FAM120A: variants seen among roughly 807,000 people sequenced by gnomAD.
FAM120A encodes family with sequence similarity 120 member A.
FAM120A carries 15 observed loss-of-function variants against 109.7 expected under a neutral mutation model. The ratio of observed to expected loss-of-function variants is 0.14; its 90% CI spans 0.09 to 0.21. FAM120A has a LOEUF of 0.21. Among genes scored for constraint, FAM120A ranks in the 10% least tolerant of loss-of-function variants. FAM120A has a pLI of 1.00. For synonymous variants in FAM120A, 493 were observed against 572.8 expected (o/e 0.86, Z 1.99); for missense variants, 899 against 1,439.3 (o/e 0.62, Z 6.07).
chr9:93,516,789 G>T (rs1860617559), intron 7 of FAM120A, among the ~76,000 whole-genome samples: 1 of 146,466 alleles, frequency 6.8e-6, no homozygotes, highest in African/African-American at 2.8e-5. Context: ...CCTTAGAGGA[G>T]TATTTTAAAC....
At chr9:93,483,435 A>T (rs1030505629) in intron 3 of FAM120A, among the ~76,000 whole-genome samples, 4 of 152,050 alleles carry the variant, frequency 2.6e-5, no homozygotes, top group African/African-American at 9.7e-5. Flanking sequence ...AGGCAAGATG[A>T]CGTAGTTTGA....
Position 93,557,956 on chromosome 9 carries a change from C to A in FAM120A, c.2614C>A (p.Pro872Thr), listed in dbSNP as rs1162582099. The change falls in exon 14 of 18, where the codon CCC becomes ACC. Residue 872 changes from proline to threonine, a missense_variant. Physicochemically the swap from Pro to Thr is conservative, Grantham distance 38 (BLOSUM62 -1). Coordinates refer to ENST00000277165, the MANE Select transcript of FAM120A (RefSeq NM_014612.5). ...ALPFYPASAY[P>T]RHFGPVPPSQ... ...GCCCTTCTACCCTGCCTCTGCGTAC[C>A]CCCGGCACTTTGGGCCTGTCCCACC... 2 of 1,605,454 alleles carry A rather than the reference C, an allele frequency of 1.2e-6. No homozygotes were observed. Among genetic ancestry groups the A allele is most frequent in the Non-Finnish European group, 1.7e-6 (2 of 1,179,722 alleles).
chr9:93,468,043 G>A (rs1588790879), intron 1 of FAM120A, among the ~76,000 whole-genome samples: 2 of 151,932 alleles, frequency 1.3e-5, no homozygotes, highest in East Asian at 3.9e-4. Flanking sequence ...CACCACGCCT[G>A]GCTAATTTTT....
intron 1 of FAM120A, among the ~76,000 whole-genome samples, chr9:93,460,246 G>GAATTTTCTA (rs1857730141): frequency 6.6e-6 from 1 of 152,280 alleles, no homozygotes; most frequent in East Asian, 1.9e-4. Context: ...TTTATAGGCA[G>GAATTTTCTA]AATTTTCTAA....
chr9:93,460,543 G>A (rs1254449735), intron 1 of FAM120A, among the ~76,000 whole-genome samples: 2 of 152,240 alleles, frequency 1.3e-5, no homozygotes, highest in South Asian at 2.1e-4. Flanking sequence ...CACTATGTTG[G>A]CCAGGCTGGT....
At position 93,532,096 on chromosome 9, in the gene FAM120A, T is replaced by G; in HGVS notation, c.1735-59T>G. 1 of 1,458,786 alleles carries G rather than the reference T, an allele frequency of 6.9e-7. No individual in the cohort carries two copies. Among genetic ancestry groups the G allele is most frequent in the Non-Finnish European group, 9.6e-7 (1 of 1,045,882 alleles). 90.4% of individuals were successfully genotyped at this position (1,458,786 alleles called of 1,614,324 possible). A position where few individuals can be genotyped will look rare whatever the true frequency, so the allele number is the denominator to read the frequency against. ...AGATAATACAGTATATTTCTGTGAGTGTATTGTAAATTCAACATGAAAAAT... is the reference window on the plus strand; with the variant it reads ...AGATAATACAGTATATTTCTGTGAGGGTATTGTAAATTCAACATGAAAAAT... On this transcript the variant is annotated intron_variant, in intron 9 of 17. Coordinates refer to ENST00000277165, the MANE Select transcript of FAM120A (RefSeq NM_014612.5). This position sits in a 1 kb window ranked among gnomAD's most constrained non-coding sequence, Gnocchi z 4.3.
intron 10 of FAM120A, among the ~76,000 whole-genome samples, chr9:93,537,490 T>A (rs1465456743): frequency 6.6e-6 from 1 of 152,156 alleles, no homozygotes; most frequent in Non-Finnish European, 1.5e-5. Flanking sequence ...TCTTCCCTAA[T>A]ACCTCAAAAT....
At chr9:93,518,962 G>A (rs1434166282) in intron 7 of FAM120A, among the ~76,000 whole-genome samples, 4 of 151,986 alleles carry the variant, frequency 2.6e-5, no homozygotes, top group African/African-American at 4.8e-5. Context: ...GCTATTGTTA[G>A]TCTATTTTAT....
Position 93,564,247 on chromosome 9 carries a change from G to A in FAM120A, c.3064G>A (p.Ala1022Thr), listed in dbSNP as rs755481868. The A allele has an allele frequency of 3.1e-6, 5 of 1,612,690 alleles. No homozygotes were observed. In the South Asian group the frequency reaches 5.5e-5, roughly 18 times the overall value. ...AAIQGRPPYA[A>T]SAEEVAKELK... Reference sequence around the variant, plus strand: ...TAAACAGGGCAGACCTCCTTATGCTGCTTCAGCAGAAGAAGTGGCCAAAGA... The same window carrying A: ...TAAACAGGGCAGACCTCCTTATGCTACTTCAGCAGAAGAAGTGGCCAAAGA... The change falls in exon 18 of 18, where the codon GCT (alanine) becomes ACT (threonine). Residue 1022 changes from alanine to threonine, a missense_variant. Physicochemically the swap from Ala to Thr is moderately conservative, Grantham distance 58 (BLOSUM62 0). Around this residue, in one of 11 missense-constraint regions of FAM120A, gnomAD observed 170 missense variants for 205.0 expected, o/e 0.83. Coordinates refer to ENST00000277165, the MANE Select transcript of FAM120A (RefSeq NM_014612.5).
intron 13 of FAM120A, among the ~76,000 whole-genome samples, chr9:93,556,849 T>C (rs1414749569): frequency 2.0e-5 from 3 of 152,218 alleles, no homozygotes; most frequent in Non-Finnish European, 2.9e-5. Flanking sequence ...TACTGACCAT[T>C]GCTCCTAGGG....
At chr9:93,525,969 T>A (rs111825248) in intron 7 of FAM120A, among the ~76,000 whole-genome samples, 3 of 152,188 alleles carry the variant, frequency 2.0e-5, no homozygotes, top group African/African-American at 7.2e-5. Flanking sequence ...CCCCTTTTTT[T>A]AAAAGACAGA....
intron 5 of FAM120A, among the ~76,000 whole-genome samples, chr9:93,513,243 G>A (rs1403681955): frequency 3.3e-5 from 5 of 152,294 alleles, no homozygotes; most frequent in East Asian, 3.9e-4. Context: ...GACTTTGATC[G>A]CACACGTGGA....
chr9:93,473,156 A>G (rs1358003995), intron 2 of FAM120A, among the ~76,000 whole-genome samples: 1 of 151,730 alleles, frequency 6.6e-6, no homozygotes, highest in African/African-American at 2.4e-5. Context: ...AGCTGGGATT[A>G]CAGGCGCCCA....
chr9:93,542,818 C>T (rs926867664), intron 10 of FAM120A, among the ~76,000 whole-genome samples: 4 of 152,156 alleles, frequency 2.6e-5, no homozygotes, highest in African/African-American at 9.7e-5. Flanking sequence ...GATTAGCTAT[C>T]CAAATTGGAT....
chr9:93,542,155 C>T (rs933156321), intron 10 of FAM120A, among the ~76,000 whole-genome samples: 1 of 152,200 alleles, frequency 6.6e-6, no homozygotes. Flanking sequence ...GGTCTCCGTA[C>T]AGACACTGGC....
intron 1 of FAM120A, among the ~76,000 whole-genome samples, chr9:93,462,627 C>T (rs1195741672): frequency 1.3e-5 from 2 of 152,170 alleles, no homozygotes; most frequent in African/African-American, 4.8e-5. Flanking sequence ...CCATCACCAC[C>T]ATCCATTCCC....
intron 7 of FAM120A, chr9:93,523,261 G>C (rs1197606979): frequency 3.2e-6 from 4 of 1,268,136 alleles, no homozygotes; most frequent in Non-Finnish European, 4.1e-6. Flanking sequence ...GGTGTTGAAT[G>C]TTTTTCTTGT....
intron 5 of FAM120A, among the ~76,000 whole-genome samples, chr9:93,506,237 C>A (rs1860048941): frequency 6.6e-6 from 1 of 152,144 alleles, no homozygotes; most frequent in Non-Finnish European, 1.5e-5. Flanking sequence ...CTCTGTAGAT[C>A]AATTTGGAAA....
At chr9:93,551,566 A>G (rs1862099810) in intron 12 of FAM120A, among the ~76,000 whole-genome samples, 1 of 152,244 alleles carries the variant, frequency 6.6e-6, no homozygotes, top group Admixed American at 6.5e-5. Context: ...ATCTCTTTCC[A>G]CAAAATTGCC....
Sources: allele counts gnomAD v4.1 joint callset (sites outside exome capture counted in the v4.1 genomes callset), GRCh38; gene constraint gnomAD v4.1.1; regional missense constraint gnomAD v4.1.1; non-coding constraint Gnocchi (gnomAD v3.1); transcripts MANE v1.5; gene names NCBI Gene and HGNC (gene_info 2026-07-23, HGNC 2026-07-21).